NRG3: variants seen among roughly 807,000 people sequenced by gnomAD.
NRG3 encodes the protein pro-neuregulin-3, membrane-bound isoform.
In NRG3, 31 loss-of-function variants were observed where a neutral mutation model predicts 66.9. The observed-to-expected ratio is 0.46, with a 90% confidence interval of 0.35 to 0.63. The LOEUF is 0.63. Among genes scored for constraint, NRG3 ranks in the 20% least tolerant of loss-of-function variants. The probability of loss-of-function intolerance (pLI) is 0.00; values close to 1 mark genes in which losing one functional copy is unlikely to be tolerated. For synonymous variants in NRG3, 393 were observed against 359.4 expected (o/e 1.09, Z -1.06); for missense variants, 910 against 878.9 (o/e 1.04, Z -0.45).
At position 82,985,476 on chromosome 10, in the gene NRG3, C is replaced by G. The variant is rs200810972; in HGVS notation, c.1962C>G (p.Ser654Arg). The G allele has an allele frequency of 1.3e-5, 21 of 1,614,058 alleles. No individual in the cohort carries two copies. Among genetic ancestry groups the G allele is most frequent in the Non-Finnish European group, 1.8e-5 (21 of 1,180,002 alleles). Reference protein sequence around the residue: ...ARRSEDYELASVETEDSASEN... With the variant: ...ARRSEDYELARVETEDSASEN... ...GGTCAGAAGACTACGAACTGGCCAG[C>G]GTAGAAACCGAGGACAGTGCAAGCG... The change falls in exon 9 of 9, where the codon AGC becomes AGG. Residue 654 changes from serine (S) to arginine (R), a missense_variant. Coordinates refer to ENST00000372141, the MANE Select transcript of NRG3 (RefSeq NM_001010848.4).
At chr10:82,739,368 T>A (rs2058307845) in intron 3 of NRG3, among the ~76,000 whole-genome samples, 1 of 152,188 alleles carries the variant, frequency 6.6e-6, no homozygotes, top group African/African-American at 2.4e-5. Flanking sequence ...GAATCATGAC[T>A]AAAAAATGGG....
intron 1 of NRG3, among the ~76,000 whole-genome samples, chr10:81,886,486 ATATT>A (rs748445632): frequency 2.0e-5 from 3 of 152,142 alleles, no homozygotes; most frequent in Non-Finnish European, 4.4e-5. Flanking sequence ...TAACGAGAAT[ATATT>A]TATATATCCA....
intron 4 of NRG3, among the ~76,000 whole-genome samples, chr10:82,944,324 T>G (rs1339945750): frequency 6.6e-6 from 1 of 152,214 alleles, no homozygotes; most frequent in Non-Finnish European, 1.5e-5. Context: ...TTTGTTTGTT[T>G]TAGTGGGCAT....
chr10:82,032,168 G>A (rs1464740876), intron 1 of NRG3, among the ~76,000 whole-genome samples: 2 of 148,622 alleles, frequency 1.3e-5, no homozygotes, highest in Non-Finnish European at 3.0e-5. Flanking sequence ...TTAATTATAT[G>A]CTTCTGTTTA....
At chr10:82,924,841 C>A (rs539423384) in intron 4 of NRG3, among the ~76,000 whole-genome samples, 1 of 152,226 alleles carries the variant, frequency 6.6e-6, no homozygotes, top group East Asian at 1.9e-4. Context: ...GGCTGTTTAG[C>A]AGTTCAGCCA....
intron 1 of NRG3, among the ~76,000 whole-genome samples, chr10:82,315,856 G>C (rs143712249): frequency 2.0e-5 from 3 of 151,986 alleles, no homozygotes; most frequent in Admixed American, 1.3e-4. Flanking sequence ...AGTAGAGACA[G>C]GGTTTCACCA....
At chr10:81,980,879 T>G (rs912502238) in intron 1 of NRG3, among the ~76,000 whole-genome samples, 2 of 152,216 alleles carry the variant, frequency 1.3e-5, no homozygotes, top group Admixed American at 1.3e-4. Context: ...GGCATGTTTT[T>G]GTGTGTCCAT....
rs115115591 is a variant in NRG3, at chr10:82,446,257, C to T, written c.953+87389C>T. Among the ~76,000 whole-genome samples, 498 of 152,252 alleles carry T rather than the reference C, an allele frequency of 3.3e-3. 1 individual carries two copies. The highest frequency in any genetic ancestry group is 0.011 in the African/African-American group (471 of 41,566). ...GAAGAAACTGTGGACTTTAAACTCA[C>T]GCAGTATTGGCACAAAGTAGGTGTT... On this transcript the variant is annotated intron_variant, in intron 2 of 8. Transcript: ENST00000372141.
intron 1 of NRG3, among the ~76,000 whole-genome samples, chr10:82,325,490 G>A (rs2081822016): frequency 6.6e-6 from 1 of 152,002 alleles, no homozygotes; most frequent in South Asian, 2.1e-4. Context: ...GCTTTCTTTT[G>A]GGTATTGTTT....
chr10:82,124,493 G>A (rs969922402), intron 1 of NRG3, among the ~76,000 whole-genome samples: 3 of 151,858 alleles, frequency 2.0e-5, no homozygotes, highest in Admixed American at 2.0e-4. Context: ...AACACTGCAT[G>A]TTCTCACTCG....
chr10:82,966,914 A>C (rs117312460), intron 6 of NRG3, among the ~76,000 whole-genome samples: 1 of 151,488 alleles, frequency 6.6e-6, no homozygotes, highest in Non-Finnish European at 1.5e-5. Flanking sequence ...ATTCACTGTA[A>C]GTTTTCAGGG....
intron 7 of NRG3, among the ~76,000 whole-genome samples, chr10:82,977,598 CAA>C (rs766341428): frequency 5.1e-4 from 28 of 55,402 alleles, no homozygotes; most frequent in Admixed American, 6.2e-4. Flanking sequence ...GACTCTGTCT[CAA>C]AAAAAAAAAA....
At chr10:82,740,695 G>T (rs926933664) in intron 3 of NRG3, among the ~76,000 whole-genome samples, 1 of 151,028 alleles carries the variant, frequency 6.6e-6, no homozygotes, top group Non-Finnish European at 1.5e-5. Context: ...ATGGTGGCAA[G>T]TGCCTGTAGT....
At chr10:82,049,230 T>C (rs929799551) in intron 1 of NRG3, among the ~76,000 whole-genome samples, 2 of 152,136 alleles carry the variant, frequency 1.3e-5, no homozygotes, top group Non-Finnish European at 2.9e-5. Context: ...GATAATTGTT[T>C]CACTGCAAAG....
At chr10:82,984,311 G>A (rs553667261) in intron 8 of NRG3, among the ~76,000 whole-genome samples, 17 of 152,240 alleles carry the variant, frequency 1.1e-4, no homozygotes, top group East Asian at 3.9e-4. Context: ...GACTTGTGAT[G>A]GCATATTGGC....
At chr10:82,286,264 T>A (rs993590873) in intron 1 of NRG3, among the ~76,000 whole-genome samples, 21 of 152,108 alleles carry the variant, frequency 1.4e-4, no homozygotes, top group Non-Finnish European at 1.5e-4. Context: ...TAAAGGAAAA[T>A]AGTGAAAAAG....
At chr10:82,463,517 A>G (rs1042541691) in intron 2 of NRG3, among the ~76,000 whole-genome samples, 2 of 152,190 alleles carry the variant, frequency 1.3e-5, no homozygotes, top group Admixed American at 6.5e-5. Context: ...AATATGGCCT[A>G]TTTTCCTTGA....
In NRG3 at chr10:81,945,424, G is replaced by A. The variant is rs78596427; in HGVS notation, c.823+69261G>A. Among the ~76,000 whole-genome samples the A allele has an allele frequency of 3.9e-3, 595 of 152,172 alleles. 12 individuals are homozygous for A. The highest frequency in any genetic ancestry group is 0.024 in the Admixed American group (372 of 15,250). On this transcript the variant is annotated intron_variant, in intron 1 of 8. Transcript: ENST00000372141. ...AATGAAAACAAGAAAAGTTGTAAGAGCCTTAACCATAACACTGAGTTACAT... is the reference window on the plus strand; with the variant it reads ...AATGAAAACAAGAAAAGTTGTAAGAACCTTAACCATAACACTGAGTTACAT...
intron 1 of NRG3, among the ~76,000 whole-genome samples, chr10:81,922,379 T>A (rs2132882389): frequency 6.6e-6 from 1 of 152,332 alleles, no homozygotes; most frequent in South Asian, 2.1e-4. Flanking sequence ...ATTGTACCAC[T>A]TAAGTAATTT....
Sources: gnomAD v4.1 joint callset for allele counts (sites outside exome capture counted in the v4.1 genomes callset) on GRCh38, gnomAD v4.1.1 for gene constraint, MANE v1.5 for transcripts, NCBI Gene and HGNC (gene_info 2026-07-23, HGNC 2026-07-21) for gene names.